The following DCP2 variants were observed in gnomAD, a reference collection of about 807,000 sequenced individuals.
DCP2 encodes the protein decapping mRNA 2.
DCP2 carries 30 observed loss-of-function variants against 56.1 expected under a neutral mutation model. The ratio of observed to expected loss-of-function variants is 0.53; its 90% CI spans 0.40 to 0.73. The LOEUF is 0.73. Ranked by LOEUF, DCP2 falls within the 30% of genes least tolerant of loss-of-function variation. The pLI, the probability that DCP2 is intolerant of heterozygous loss-of-function variation, is 0.00. For synonymous variants in DCP2, 197 were observed against 163.3 expected, an observed-to-expected ratio of 1.21 and a Z score of -1.57; for missense variants, 533 against 502.7, an observed-to-expected ratio of 1.06 and a Z score of -0.58.
chr5:112,984,703 A>AAAAAATATATATATATATATATATATAT, intron 1 of DCP2: 2 of 64,858 alleles, frequency 3.1e-5, no homozygotes, highest in Non-Finnish European at 2.7e-5. Context: ...AAAAAAAAAA[A>AAAAAATATATATATATATATATATATAT]ATATATATAT....
Position 113,015,901 on chromosome 5 carries a change from G to A in DCP2, c.*2417G>A, listed in dbSNP as rs1016653309. On this transcript the variant is annotated 3_prime_UTR_variant, in exon 11 of 11. Transcript: ENST00000389063. ...AGGAAATCAAGTGATAAAGGAGTAT[G>A]CTGAATATGCAATCATTTACTTCTA... The A allele has an allele frequency of 2.6e-5, 4 of 152,626 alleles. No homozygotes were observed. Among genetic ancestry groups the A allele is most frequent in the Non-Finnish European group, 4.4e-5 (3 of 68,032 alleles). 9.5% of individuals were successfully genotyped at this position (152,626 alleles called of 1,614,324 possible). A position where few individuals can be genotyped will look rare whatever the true frequency, so the allele number is the denominator to read the frequency against.
In DCP2 at chr5:112,976,799, T is replaced by C. The variant is rs760416463; in HGVS notation, c.-135T>C. 2.2e-6 allele frequency: 2 copies of C among 897,040 alleles called. No individual in the cohort carries two copies. Among genetic ancestry groups the C allele is most frequent in the Non-Finnish European group, 3.8e-6 (2 of 524,966 alleles). The allele number at this position is 897,040 out of a possible 1,614,324, so 55.6% of individuals were successfully genotyped here. On this transcript the variant is annotated 5_prime_UTR_variant, in exon 1 of 11. Coordinates refer to ENST00000389063, the MANE Select transcript of DCP2 (RefSeq NM_152624.6). ...GAGCGGGTCCCGCCCCTTCCCCTTC[T>C]CGTCTCCGTTGGAGTCGTCTCTGCC...
chr5:113,002,257 T>C (rs746556927), intron 7 of DCP2, among the ~76,000 whole-genome samples: 17 of 151,966 alleles, frequency 1.1e-4, no homozygotes, highest in Non-Finnish European at 1.6e-4. Flanking sequence ...ACCCCATCTC[T>C]ACTAGAAGTA....
At chr5:113,002,828 C>T (rs1279531903) in intron 7 of DCP2, among the ~76,000 whole-genome samples, 1 of 152,144 alleles carries the variant, frequency 6.6e-6, no homozygotes, top group Admixed American at 6.5e-5. Context: ...TGGCCTCTGG[C>T]TTACAACTTA....
Position 112,976,901 on chromosome 5 carries a change from C to A in DCP2, c.-33C>A. 2 of 1,612,728 alleles carry A rather than the reference C, an allele frequency of 1.2e-6. No individual in the cohort carries two copies. Among genetic ancestry groups the A allele is most frequent in the Non-Finnish European group, 1.7e-6 (2 of 1,178,694 alleles). Reference sequence around the variant, plus strand: ...CCGTCAGTCCCCGGCCGCGCGGAGCCGGGATGCACTGTTCCTGCTGTGGGT... The same window carrying A: ...CCGTCAGTCCCCGGCCGCGCGGAGCAGGGATGCACTGTTCCTGCTGTGGGT... On this transcript the variant is annotated 5_prime_UTR_variant, in exon 1 of 11. Transcript: ENST00000389063.
At position 112,986,398 on chromosome 5, in the gene DCP2, T is replaced by C. The variant is rs147766859; in HGVS notation, c.205+412T>C. ...TGTCGCTCAGGCTGAAGTGCAGTAA[T>C]GTGATCCTAGCTTACTGTATTCTCG... On this transcript the variant is annotated intron_variant, in intron 2 of 10. Transcript: ENST00000389063. Among the ~76,000 whole-genome samples, 250 of 152,094 alleles carry C rather than the reference T, an allele frequency of 1.6e-3. 2 individuals carry two copies. Among genetic ancestry groups the C allele is most frequent in the South Asian group, 0.013 (61 of 4,804 alleles).
At chr5:113,003,346 T>C (rs1749268605) in intron 7 of DCP2, among the ~76,000 whole-genome samples, 1 of 152,230 alleles carries the variant, frequency 6.6e-6, no homozygotes, top group Non-Finnish European at 1.5e-5. Flanking sequence ...TTTAATTTTA[T>C]ACTTTAGAGG....
At chr5:113,006,998 C>T (rs1174678445) in intron 8 of DCP2, among the ~76,000 whole-genome samples, 1 of 151,916 alleles carries the variant, frequency 6.6e-6, no homozygotes, top group African/African-American at 2.4e-5. Context: ...ATTAGCCGGG[C>T]ATGGTGGCAT....
intron 7 of DCP2, 128 bp downstream of exon 7, chr5:113,001,802 C>T: frequency 2.4e-6 from 2 of 828,380 alleles, no homozygotes; most frequent in Non-Finnish European, 3.8e-6. Context: ...TTACTGGTCT[C>T]ACAGATAATA....
chr5:112,988,751 A>C (rs1400301085), intron 2 of DCP2, among the ~76,000 whole-genome samples: 2 of 152,196 alleles, frequency 1.3e-5, no homozygotes, highest in African/African-American at 2.4e-5. Context: ...TTCTCTGGAG[A>C]AATCTTAGTA....
intron 1 of DCP2, chr5:112,984,261 A>G (rs1470211363): frequency 3.3e-5 from 5 of 152,232 alleles, no homozygotes; most frequent in Non-Finnish European, 7.3e-5. Context: ...CACAATGGAG[A>G]TGATTATGTC....
At chr5:113,005,063 A>AG (rs1292907542) in intron 8 of DCP2, among the ~76,000 whole-genome samples, 1 of 151,990 alleles carries the variant, frequency 6.6e-6, no homozygotes, top group Non-Finnish European at 1.5e-5. Context: ...CGGGAAGCAG[A>AG]GGCTGCAGTG....
chr5:112,986,483 C>T (rs112286154), intron 2 of DCP2, among the ~76,000 whole-genome samples: 37 of 151,960 alleles, frequency 2.4e-4, no homozygotes, highest in African/African-American at 6.8e-4. Context: ...TACAGGCATG[C>T]GCTACCATTC....
chr5:112,977,045 C>G, intron 1 of DCP2, 59 bp downstream of exon 1: 1 of 1,380,266 alleles, frequency 7.2e-7, no homozygotes, highest in Non-Finnish European at 9.7e-7. Flanking sequence ...TCGCGGACCC[C>G]CAGAGGCCTC....
At chr5:112,994,083 C>G (rs1748728935) in intron 4 of DCP2, among the ~76,000 whole-genome samples, 1 of 151,642 alleles carries the variant, frequency 6.6e-6, no homozygotes, top group Admixed American at 6.6e-5. Flanking sequence ...AGACACGAGC[C>G]ACCGTGCTTG....
intron 1 of DCP2, chr5:112,984,691 A>ATATATATATATAT (rs1561685051): frequency 4.3e-5 from 3 of 70,328 alleles, no homozygotes; most frequent in African/African-American, 2.2e-4. Context: ...TTAATTAAAA[A>ATATATATATATAT]AAAAAAAAAA....
At chr5:113,010,715 T>TTG in intron 9 of DCP2, 41 bp from the exon 10 acceptor site, 1 of 1,490,190 alleles carries the variant, frequency 6.7e-7, no homozygotes, top group Non-Finnish European at 8.9e-7. Context: ...GGTGACTGTG[T>TTG]TGTATGTGTG....
intron 4 of DCP2, among the ~76,000 whole-genome samples, chr5:112,995,524 A>G (rs998553084): frequency 1.3e-5 from 2 of 152,228 alleles, no homozygotes; most frequent in Non-Finnish European, 2.9e-5. Context: ...TGGAATAACA[A>G]AACAGTTCCA....
rs1433510810 is a variant in DCP2, at chr5:113,015,592, A to G, written c.*2108A>G. ...TGCTTTATTTAATGCACTGTGGAAC[A>G]AAATATAAGGGTACTGTTGGGGTGT... On this transcript the variant is annotated 3_prime_UTR_variant, in exon 11 of 11. Coordinates refer to ENST00000389063, the MANE Select transcript of DCP2 (RefSeq NM_152624.6). The G allele has an allele frequency of 6.6e-6, 1 of 152,650 alleles. No individual in the cohort carries two copies. Among genetic ancestry groups the G allele is most frequent in the Non-Finnish European group, 1.5e-5 (1 of 68,028 alleles). 9.5% of individuals were successfully genotyped at this position (152,650 alleles called of 1,614,324 possible). A position where few individuals can be genotyped will look rare whatever the true frequency, so the allele number is the denominator to read the frequency against.
Sources: allele counts gnomAD v4.1 joint callset (sites outside exome capture counted in the v4.1 genomes callset), GRCh38; gene constraint gnomAD v4.1.1; transcripts MANE v1.5; gene names NCBI Gene and HGNC (gene_info 2026-07-23, HGNC 2026-07-21).